FGFR1: variants seen among roughly 807,000 people sequenced by gnomAD.
FGFR1 encodes the protein FGFR1/PLAG1 fusion.
FGFR1 carries 18 observed loss-of-function variants against 93.7 expected under a neutral mutation model. The observed-to-expected ratio is 0.19, with a 90% CI of 0.13 to 0.28. The LOEUF (loss-of-function observed/expected upper bound fraction) is 0.28, where lower values mean the gene tolerates loss of function less well. FGFR1 is among the 10% of genes least tolerant of loss of function. FGFR1 has a pLI of 1.00. For missense variants in FGFR1, 731 were observed against 1,080.4 expected, an observed-to-expected ratio of 0.68 and a Z score of 4.53; for synonymous variants, 448 against 429.3, an observed-to-expected ratio of 1.04 and a Z score of -0.54.
intron 4 of FGFR1, 32 bp downstream of exon 4, chr8:38,428,313 CA>C (rs1406868001): frequency 1.2e-6 from 2 of 1,604,718 alleles, no homozygotes; most frequent in Non-Finnish European, 8.5e-7. Flanking sequence ...TGCCCAGACC[CA>C]AAGGGCAGTA....
In FGFR1 at chr8:38,412,758, C is replaced by G. The variant is rs1210078838; in HGVS notation, c.*870G>C. The G allele has an allele frequency of 4.3e-6, 1 of 233,148 alleles. No individual in the cohort carries two copies. Among genetic ancestry groups the G allele is most frequent in the African/African-American group, 2.2e-5 (1 of 45,192 alleles). The allele number at this position is 233,148 out of a possible 1,614,324, so 14.4% of individuals were successfully genotyped here. On this transcript the variant is annotated 3_prime_UTR_variant, in exon 18 of 18. Coordinates refer to ENST00000447712, the MANE Select transcript of FGFR1 (RefSeq NM_023110.3). ...AGCAGCAGCAATTTTTATTGAGGGA[C>G]CTAAACTGAAAATAGGTTTAGAACA...
intron 3 of FGFR1, 161 bp from the exon 4 acceptor site, chr8:38,428,596 A>G: frequency 1.5e-6 from 1 of 665,516 alleles, no homozygotes; most frequent in South Asian, 1.7e-5. Context: ...CTGTTTAAGA[A>G]CAGTTCCTGT....
chr8:38,418,478 G>A, intron 9 of FGFR1, 105 bp from the exon 10 acceptor site: 1 of 1,338,626 alleles, frequency 7.5e-7, no homozygotes, highest in South Asian at 1.3e-5. Flanking sequence ...ACATGTCTGT[G>A]TATCTGATGT....
chr8:38,427,890 TACTCTA>T, intron 5 of FGFR1, 25 bp downstream of exon 5: 1 of 1,613,914 alleles, frequency 6.2e-7, no homozygotes, highest in Non-Finnish European at 8.5e-7. Context: ...CTGTTCCCAT[TACTCTA>T]ACTTTCGCAT....
chr8:38,430,001 AGGGAGAGGGGAGGAG>A (rs1411464672), intron 2 of FGFR1, 53 bp from the exon 3 acceptor site: 2 of 1,538,674 alleles, frequency 1.3e-6, no homozygotes, highest in Admixed American at 1.9e-5. Context: ...AGAGGAAGAC[AGGGAGAGGGGAGGAG>A]GGGAGAGACA....
chr8:38,414,440 G>T, intron 15 of FGFR1, 119 bp downstream of exon 15: 2 of 1,535,284 alleles, frequency 1.3e-6, no homozygotes, highest in Non-Finnish European at 1.8e-6. Context: ...CACAGACAAT[G>T]TTTTGTTTTT....
intron 2 of FGFR1, chr8:38,434,640 C>T (rs904476195): frequency 1.5e-5 from 3 of 206,194 alleles, no homozygotes; most frequent in Non-Finnish European, 3.1e-5. Context: ...AGTCAGCACA[C>T]ACCTTCTCCA....
At chr8:38,441,914 T>C (rs1827620077) in intron 2 of FGFR1, among the ~76,000 whole-genome samples, 1 of 152,184 alleles carries the variant, frequency 6.6e-6, no homozygotes, top group African/African-American at 2.4e-5. Flanking sequence ...GCTCAACTCA[T>C]CTATTATGAC....
Position 38,426,074 on chromosome 8 carries a change from T to C in FGFR1, c.745+48A>G, listed in dbSNP as rs753943717. ...ACACCCCGGCTGTGTTCTCCAAGCC[T>C]GGCTCTTCCCACTAAACTCATTCCT... On this transcript the variant is annotated intron_variant, in intron 6 of 17. Transcript: ENST00000447712. This position sits in a 1 kb window ranked among gnomAD's most constrained non-coding sequence, Gnocchi z 4.1. 3 of 1,613,272 alleles carry C rather than the reference T, an allele frequency of 1.9e-6. No individual in the cohort carries two copies. In the East Asian group the frequency reaches 6.7e-5, roughly 36 times the overall value.
At position 38,429,467 on chromosome 8, in the gene FGFR1, C is replaced by T; in HGVS notation, c.358+215G>A. 1 of 704,546 alleles carries T rather than the reference C, an allele frequency of 1.4e-6. No individual in the cohort carries two copies. The highest frequency in any genetic ancestry group is 1.5e-5 in the South Asian group (1 of 66,214). The allele number at this position is 704,546 out of a possible 1,614,324, so 43.6% of individuals were successfully genotyped here. ...CACCTCCGAGGTGTGTCCTGGAAGC[C>T]CCAGATCTCCGGCCCTGGGGCCCAC... On this transcript the variant is annotated intron_variant, in intron 3 of 17. Transcript: ENST00000447712. This position sits in a 1 kb window ranked among gnomAD's most constrained non-coding sequence, Gnocchi z 4.4.
At chr8:38,464,884 C>T (rs2151469921) in intron 1 of FGFR1, among the ~76,000 whole-genome samples, 1 of 152,300 alleles carries the variant, frequency 6.6e-6, no homozygotes, top group East Asian at 1.9e-4. Flanking sequence ...AGAAAAAAGC[C>T]TTTGTAGAAG....
intron 2 of FGFR1, chr8:38,440,481 AAG>A (rs1438487800): frequency 3.5e-6 from 3 of 866,714 alleles, no homozygotes; most frequent in Admixed American, 3.1e-5. Flanking sequence ...TATGTGTGGA[AAG>A]AGAGCCGGGA....
At chr8:38,449,671 T>C (rs1160287816) in intron 2 of FGFR1, among the ~76,000 whole-genome samples, 3 of 138,578 alleles carry the variant, frequency 2.2e-5, no homozygotes, top group Non-Finnish European at 4.8e-5. Context: ...CCCCACCTTT[T>C]ACACAACCCA....
chr8:38,422,960 C>G, intron 7 of FGFR1: 2 of 763,954 alleles, frequency 2.6e-6, no homozygotes, highest in African/African-American at 1.7e-5. Context: ...GCTTCCCCGC[C>G]TGCCCCAGCA....
intron 2 of FGFR1, among the ~76,000 whole-genome samples, chr8:38,451,345 AAC>A (rs1831022453): frequency 6.6e-6 from 1 of 151,910 alleles, no homozygotes; most frequent in African/African-American, 2.4e-5. Context: ...CTGATAGTGG[AAC>A]AGAGGGTGTC....
chr8:38,460,541 A>G (rs549391634), intron 1 of FGFR1, among the ~76,000 whole-genome samples: 5 of 152,278 alleles, frequency 3.3e-5, no homozygotes, highest in Non-Finnish European at 7.4e-5. Flanking sequence ...GGCTGGCTGC[A>G]GACCGCCCTC....
rs981703846 is a variant in FGFR1 at position 38,421,872 on chromosome 8, C to T, written c.1006G>A (p.Ala336Thr). The change falls in exon 8 of 18, where the codon GCA becomes ACA. Residue 336 changes from alanine (A) to threonine (T), a missense_variant. Coordinates refer to ENST00000447712, the MANE Select transcript of FGFR1 (RefSeq NM_023110.3). The part of the protein sequence containing the change: ...LHLRNVSFED[A>T]GEYTCLAGNS... ...CCCGCCAAGCACGTATACTCCCCTG[C>T]GTCCTCAAAGGAGACATTTCTTAAG... 1.9e-6 allele frequency: 3 copies of T among 1,613,936 alleles called. No homozygotes were observed. The highest frequency in any genetic ancestry group is 1.7e-6 in the Non-Finnish European group (2 of 1,179,948).
rs866916426 is a variant in FGFR1, at chr8:38,452,220, C to G, written c.91+5136G>C. Among the ~76,000 whole-genome samples the G allele has an allele frequency of 2.3e-3, 331 of 145,800 alleles. 3 individuals carry two copies. The highest frequency in any genetic ancestry group is 2.2e-3 in the African/African-American group (87 of 39,850). ...ACACAGACACACACACACACACACA[C>G]ACACACACACACACACACACACACA... On this transcript the variant is annotated intron_variant, in intron 2 of 17. Transcript: ENST00000447712.
rs117508317 is a variant in FGFR1 at position 38,455,049 on chromosome 8, C to T, written c.91+2307G>A. On this transcript the variant is annotated intron_variant, in intron 2 of 17. Coordinates refer to ENST00000447712, the MANE Select transcript of FGFR1 (RefSeq NM_023110.3). ...GAAGTGAAGCGGTGTGATCATGGCT[C>T]ACTGCAACCTCTACCTCCCAGGTTC... Among the ~76,000 whole-genome samples, 207 of 143,670 alleles carry T rather than the reference C, an allele frequency of 1.4e-3. 6 individuals carry two copies. The East Asian group carries it at 0.041, about 28-fold the overall frequency. 94.3% of individuals were successfully genotyped at this position (143,670 alleles called of 152,430 possible).
Sources: allele counts gnomAD v4.1 joint callset (sites outside exome capture counted in the v4.1 genomes callset), GRCh38; gene constraint gnomAD v4.1.1; non-coding constraint Gnocchi (gnomAD v3.1); transcripts MANE v1.5; gene names NCBI Gene and HGNC (gene_info 2026-07-23, HGNC 2026-07-21).